KCNJ13: variants seen among roughly 807,000 people sequenced by gnomAD.
KCNJ13 encodes inward rectifier potassium channel 13.
A neutral mutation model predicts 24.6 loss-of-function variants in KCNJ13; 9 were observed. The ratio of observed to expected loss-of-function variants is 0.37; its 90% CI spans 0.22 to 0.64. The LOEUF (loss-of-function observed/expected upper bound fraction) is 0.64, where lower values mean the gene tolerates loss of function less well. KCNJ13 is among the 30% of genes least tolerant of loss of function. KCNJ13 has a pLI of 0.64. For synonymous variants in KCNJ13, 148 were observed against 154.7 expected, an observed-to-expected ratio of 0.96 and a Z score of 0.32; for missense variants, 337 against 443.8, an observed-to-expected ratio of 0.76 and a Z score of 2.16.
chr2:232,775,123 G>A (rs1397057924), intron 1 of KCNJ13, among the ~76,000 whole-genome samples: 1 of 151,932 alleles, frequency 6.6e-6, no homozygotes, highest in African/African-American at 2.4e-5. Flanking sequence ...GGCAAGTGGA[G>A]TAATATAGAG....
chr2:232,776,101 G>T (rs1422427359), intron 1 of KCNJ13, among the ~76,000 whole-genome samples: 1 of 151,654 alleles, frequency 6.6e-6, no homozygotes, highest in African/African-American at 2.4e-5. Context: ...GCTCATTTTG[G>T]GTTTTTGAAA....
At chr2:232,776,424 G>A (rs1699516090) in intron 1 of KCNJ13, 21 bp downstream of exon 1, 1 of 1,594,366 alleles carries the variant, frequency 6.3e-7, no homozygotes, top group Non-Finnish European at 8.6e-7. Context: ...AAGAAGAATG[G>A]ATATTATTGC....
At position 232,772,158 on chromosome 2, in the gene KCNJ13, C is replaced by T. The variant is rs528035060; in HGVS notation, c.-16-780G>A. ...CAGACTCCTGTTCTCAAGCCATCTT[C>T]CCACTTCAGCCTTCCAAAGCGCTGG... is the stretch of plus-strand genomic sequence containing the variant. On this transcript the variant is annotated intron_variant, in intron 1 of 2. Transcript: ENST00000233826. Among the ~76,000 whole-genome samples, 4 of 152,292 alleles carry T rather than the reference C, an allele frequency of 2.6e-5. No homozygotes were observed. The South Asian group carries it at 8.3e-4, about 32-fold the overall frequency.
intron 2 of KCNJ13, among the ~76,000 whole-genome samples, chr2:232,770,189 G>A (rs1010493346): frequency 1.3e-5 from 2 of 152,042 alleles, no homozygotes; most frequent in Non-Finnish European, 2.9e-5. Flanking sequence ...TTCTTCATAC[G>A]GCCCAATGCT....
rs1699499814 is a variant in KCNJ13 at position 232,776,077 on chromosome 2, A to G, written c.-17+368T>C. ...AAACAAAGTGGCTTATTCTTTTGGC[A>G]TTTGTTTTTTTATGCTCATTTTGGG... On this transcript the variant is annotated intron_variant, in intron 1 of 2. Transcript: ENST00000233826. 2.8e-5 allele frequency among the ~76,000 whole-genome samples: 4 copies of G among 145,186 alleles called. No individual in the cohort carries two copies. The South Asian group carries it at 8.4e-4, about 31-fold the overall frequency.
Position 232,768,202 on chromosome 2 carries a change from G to A in KCNJ13, c.1072C>T (p.Leu358=). The A allele has an allele frequency of 6.2e-7, 1 of 1,614,038 alleles. No individual in the cohort carries two copies. The highest frequency in any genetic ancestry group is 2.2e-5 in the East Asian group (1 of 44,870). ...IDNFQISETG[L]TE is the part of the protein sequence containing the mutation. The stretch of plus-strand genomic sequence containing the variant: ...AAAATGGATAAGTCTTATTCTGTCA[G>A]TCCTGTTTCAGAGATCTGAAAATTG... Residue 358 remains leucine, a synonymous_variant, in exon 3 of 3, where the codon CTG becomes TTG. Coordinates refer to ENST00000233826, the MANE Select transcript of KCNJ13 (RefSeq NM_002242.4).
In KCNJ13 at chr2:232,771,209, G is replaced by A. The variant is rs2106339619; in HGVS notation, c.154C>T (p.Arg52Cys). ...AAGACCAACATCATCCAACGCCAGC[G>A]CATGTCCATTAGGATTCCCCAAGCA... Reference protein sequence around the residue: ...RDAWGILMDMRWRWMMLVFSA... With the variant: ...RDAWGILMDMCWRWMMLVFSA... The change falls in exon 2 of 3, where the codon CGC (arginine) becomes TGC (cysteine). Residue 52 changes from arginine to cysteine, a missense_variant. Arg to Cys is a radical substitution (Grantham distance 180). Coordinates refer to ENST00000233826, the MANE Select transcript of KCNJ13 (RefSeq NM_002242.4). 2.5e-6 allele frequency: 4 copies of A among 1,612,910 alleles called. No individual in the cohort carries two copies. The highest frequency in any genetic ancestry group is 3.4e-6 in the Non-Finnish European group (4 of 1,179,002).
At chr2:232,771,643 T>C (rs1399313670) in intron 1 of KCNJ13, among the ~76,000 whole-genome samples, 1 of 152,240 alleles carries the variant, frequency 6.6e-6, no homozygotes, top group Non-Finnish European at 1.5e-5. Context: ...TTTCTAAGTA[T>C]ATTTTAGAAT....
intron 1 of KCNJ13, among the ~76,000 whole-genome samples, chr2:232,776,225 A>G (rs957354823): frequency 2.6e-5 from 4 of 152,196 alleles, no homozygotes; most frequent in Non-Finnish European, 4.4e-5. Context: ...ATTTAATAAA[A>G]CAGTTAAGAA....
At chr2:232,773,269 A>C (rs537297749) in intron 1 of KCNJ13, among the ~76,000 whole-genome samples, 3 of 152,324 alleles carry the variant, frequency 2.0e-5, no homozygotes, top group African/African-American at 4.8e-5. Flanking sequence ...GGAAACAACA[A>C]AATCTTCATA....
rs994584652 is a variant in KCNJ13 at position 232,765,962 on chromosome 2, A to G, written c.*2229T>C. The G allele has an allele frequency of 8.6e-6, 4 of 464,220 alleles. No individual in the cohort carries two copies. The highest frequency in any genetic ancestry group is 1.8e-5 in the Non-Finnish European group (4 of 224,340). The allele number at this position is 464,220 out of a possible 1,614,324, so 28.8% of individuals were successfully genotyped here. A position where few individuals can be genotyped will look rare whatever the true frequency, so the allele number is the denominator to read the frequency against. On this transcript the variant is annotated 3_prime_UTR_variant, in exon 3 of 3. Transcript: ENST00000233826. The stretch of plus-strand genomic sequence containing the variant: ...TCATGTGTGCAAGACTTCATGACCA[A>G]GCTCCCAGATGATCCAGGTTAGTGA...
chr2:232,770,773 C>T (rs951275023), intron 2 of KCNJ13, 130 bp downstream of exon 2: 6 of 685,282 alleles, frequency 8.8e-6, no homozygotes, highest in East Asian at 2.7e-5. Flanking sequence ...TAGACATTAC[C>T]TGCTATCAAT....
Position 232,771,256 on chromosome 2 carries a change from C to T in KCNJ13, c.107G>A (p.Arg36Lys). 1 of 1,608,736 alleles carries T rather than the reference C, an allele frequency of 6.2e-7. No individual in the cohort carries two copies. The highest frequency in any genetic ancestry group is 8.5e-7 in the Non-Finnish European group (1 of 1,176,282). ...HSTLQMDGAQ[R>K]GLAYLRDAWG... ...AGCATCTCGAAGATATGCAAGACCT[C>T]TTTGAGCGCCATCCATTTGAAGTGT... The change falls in exon 2 of 3, where the codon AGA (arginine) becomes AAA (lysine). Residue 36 changes from arginine (R) to lysine (K), a missense_variant. By Grantham distance (26) the Arg-to-Lys change is conservative. This residue lies in a region of KCNJ13 where 101 missense variants were observed against 139.2 expected (regional missense o/e 0.73). Coordinates refer to ENST00000233826, the MANE Select transcript of KCNJ13 (RefSeq NM_002242.4).
intron 2 of KCNJ13, among the ~76,000 whole-genome samples, chr2:232,769,619 A>G (rs559765433): frequency 6.6e-6 from 1 of 151,974 alleles, no homozygotes; most frequent in African/African-American, 2.4e-5. Flanking sequence ...ACTGACTATC[A>G]GGTAATTTCA....
At chr2:232,773,252 A>G (rs1311928279) in intron 1 of KCNJ13, among the ~76,000 whole-genome samples, 2 of 152,174 alleles carry the variant, frequency 1.3e-5, no homozygotes, top group Non-Finnish European at 2.9e-5. Flanking sequence ...CCTGATCTCT[A>G]CGCTTTGGAA....
intron 1 of KCNJ13, among the ~76,000 whole-genome samples, chr2:232,772,046 A>G (rs1038271886): frequency 1.3e-5 from 2 of 152,128 alleles, no homozygotes; most frequent in Admixed American, 6.6e-5. Context: ...GTGCAGTGGC[A>G]CAATCATAGC....
rs560833471 is a variant in KCNJ13, at chr2:232,769,127, T to TA, written c.461-315dup. ...CATTTCCTATATTCCTGCCTGTGCT[T>TA]AAAAAAAAGTAATAGAAAATAAATG... is the stretch of plus-strand genomic sequence containing the variant. On this transcript the variant is annotated intron_variant, in intron 2 of 2. Transcript: ENST00000233826. Among the ~76,000 whole-genome samples the TA allele has an allele frequency of 8.5e-4, 129 of 152,004 alleles. 1 individual carries two copies. The highest frequency in any genetic ancestry group is 2.6e-3 in the African/African-American group (106 of 41,498).
At chr2:232,775,164 C>T (rs1699457982) in intron 1 of KCNJ13, among the ~76,000 whole-genome samples, 1 of 151,940 alleles carries the variant, frequency 6.6e-6, no homozygotes, top group Non-Finnish European at 1.5e-5. Flanking sequence ...TCCCACTTAA[C>T]CAATTACCCT....
intron 2 of KCNJ13, 24 bp downstream of exon 2, chr2:232,770,879 T>C: frequency 6.4e-7 from 1 of 1,571,858 alleles, no homozygotes; most frequent in Non-Finnish European, 8.7e-7. Context: ...TTTTTGTTTT[T>C]TTTAAGAACA....
Sources: allele counts gnomAD v4.1 joint callset (sites outside exome capture counted in the v4.1 genomes callset), GRCh38; gene constraint gnomAD v4.1.1; regional missense constraint gnomAD v4.1.1; transcripts MANE v1.5; gene names NCBI Gene and HGNC (gene_info 2026-07-23, HGNC 2026-07-21).